The following FHIT variants were observed in gnomAD, a reference collection of about 807,000 sequenced individuals.
The protein encoded by FHIT is bis(5'-adenosyl)-triphosphatase.
A neutral mutation model predicts 17.9 loss-of-function variants in FHIT; 19 were observed. The observed-to-expected ratio is 1.06, with a 90% CI of 0.74 to 1.56. The LOEUF is 1.56. Among genes scored for constraint, FHIT ranks in the 40% most tolerant of loss-of-function variants. The pLI, the probability that FHIT is intolerant of heterozygous loss-of-function variation, is 0.00. For synonymous variants in FHIT, 81 were observed against 69.7 expected, an observed-to-expected ratio of 1.16 and a Z score of -0.81; for missense variants, 248 against 189.2, an observed-to-expected ratio of 1.31 and a Z score of -1.82.
At chr3:60,335,351 T>C (rs13074132) in intron 5 of FHIT, among the ~76,000 whole-genome samples, 47,318 of 152,022 alleles carry the variant, frequency 0.31, 7,999 homozygotes, top group South Asian at 0.48. Context: ...AACATCCCCA[T>C]ATTATTGTAC....
chr3:60,229,299 C>T (rs1445527299), intron 5 of FHIT, among the ~76,000 whole-genome samples: 5 of 151,966 alleles, frequency 3.3e-5, no homozygotes, highest in Non-Finnish European at 5.9e-5. Context: ...CATCTGCAAT[C>T]CCAGCTACTT....
chr3:60,796,903 T>C (rs1315614046), intron 4 of FHIT, among the ~76,000 whole-genome samples: 1 of 152,198 alleles, frequency 6.6e-6, no homozygotes, highest in Admixed American at 6.5e-5. Flanking sequence ...GATTTCTAAT[T>C]TATTGCATTG....
intron 8 of FHIT, among the ~76,000 whole-genome samples, chr3:59,757,671 A>AT (rs1701289189): frequency 6.6e-6 from 1 of 152,238 alleles, no homozygotes; most frequent in Non-Finnish European, 1.5e-5. Flanking sequence ...CTCTTCTTAC[A>AT]GAAGCAAACG....
At chr3:60,873,138 GGAGA>G (rs71287128) in intron 3 of FHIT, among the ~76,000 whole-genome samples, 3,577 of 147,086 alleles carry the variant, frequency 0.024, 122 homozygotes, top group African/African-American at 0.081. Flanking sequence ...AGAGGGAGAG[GGAGA>G]GAGAGAGAGA....
At chr3:60,631,671 C>T (rs2039447017) in intron 4 of FHIT, among the ~76,000 whole-genome samples, 2 of 152,248 alleles carry the variant, frequency 1.3e-5, no homozygotes, top group South Asian at 4.2e-4. Context: ...CAAAGAAATC[C>T]ATCAAATTGT....
At position 60,440,359 on chromosome 3, in the gene FHIT, T is replaced by C. The variant is rs551522756; in HGVS notation, c.103+96501A>G. 3.9e-5 allele frequency among the ~76,000 whole-genome samples: 6 copies of C among 152,240 alleles called. No homozygotes were observed. The South Asian group carries it at 6.2e-4, about 16-fold the overall frequency. ...ACCCGTCTCTATCTGGAAGATGGTA[T>C]ATAAATGAAATCATTTACACAGTGC... On this transcript the variant is annotated intron_variant, in intron 5 of 9. Transcript: ENST00000492590.
At chr3:59,785,405 G>A (rs1702798854) in intron 8 of FHIT, among the ~76,000 whole-genome samples, 1 of 151,596 alleles carries the variant, frequency 6.6e-6, no homozygotes, top group Admixed American at 6.6e-5. Context: ...TGCCTCCAGG[G>A]TTTAAGCAAT....
At chr3:60,937,010 G>GTCT (rs5849402) in intron 3 of FHIT, among the ~76,000 whole-genome samples, 140,452 of 151,988 alleles carry the variant, frequency 0.92, 65,901 homozygotes, top group East Asian at 1. Flanking sequence ...GTGAGCTGAA[G>GTCT]TCTCAATTTT....
intron 5 of FHIT, among the ~76,000 whole-genome samples, chr3:60,185,780 T>C (rs1208267845): frequency 6.6e-6 from 1 of 152,164 alleles, no homozygotes; most frequent in Non-Finnish European, 1.5e-5. Flanking sequence ...TCCCTATTAA[T>C]GGTATTGTCA....
chr3:60,364,657 T>G (rs1301950354), intron 5 of FHIT, among the ~76,000 whole-genome samples: 1 of 152,240 alleles, frequency 6.6e-6, no homozygotes, highest in Non-Finnish European at 1.5e-5. Context: ...TTGACTGAGC[T>G]AAGAGATGCC....
chr3:61,047,419 T>G (rs983522393), intron 2 of FHIT, among the ~76,000 whole-genome samples: 11 of 152,038 alleles, frequency 7.2e-5, no homozygotes, highest in Non-Finnish European at 1.6e-4. Context: ...GAATGCAACT[T>G]ACAAAAGATG....
chr3:60,832,354 C>A (rs2106821895), intron 3 of FHIT, among the ~76,000 whole-genome samples: 1 of 152,180 alleles, frequency 6.6e-6, no homozygotes, highest in Admixed American at 6.5e-5. Flanking sequence ...GGATTCTGAT[C>A]CAGACAGAAT....
chr3:60,430,955 C>A (rs1253890474), intron 5 of FHIT, among the ~76,000 whole-genome samples: 1 of 151,980 alleles, frequency 6.6e-6, no homozygotes, highest in Non-Finnish European at 1.5e-5. Flanking sequence ...CTCACACCTG[C>A]AACCCCAGCA....
chr3:60,607,833 C>G (rs1465645206), intron 4 of FHIT, among the ~76,000 whole-genome samples: 1 of 152,026 alleles, frequency 6.6e-6, no homozygotes, highest in African/African-American at 2.4e-5. Context: ...TATTCATATT[C>G]TTGAGAAGTA....
intron 5 of FHIT, among the ~76,000 whole-genome samples, chr3:60,188,207 CTTTTTTTTT>C (rs1210975877): frequency 8.0e-6 from 1 of 125,574 alleles, no homozygotes. Context: ...CAGTTTCTTT[CTTTTTTTTT>C]TTTTTTTTTT....
intron 3 of FHIT, among the ~76,000 whole-genome samples, chr3:60,935,902 C>G (rs571988427): frequency 2.0e-5 from 3 of 152,334 alleles, no homozygotes; most frequent in African/African-American, 7.2e-5. Context: ...TTCCTGAGGA[C>G]AGAGGCTGAT....
chr3:60,642,657 G>C (rs2039756110), intron 4 of FHIT, among the ~76,000 whole-genome samples: 1 of 152,206 alleles, frequency 6.6e-6, no homozygotes, highest in Non-Finnish European at 1.5e-5. Context: ...AAAGAGAAGA[G>C]TTCAGAGCAA....
rs567244835 is a variant in FHIT at position 60,194,785 on chromosome 3, G to C, written c.104-180633C>G. 5.9e-5 allele frequency among the ~76,000 whole-genome samples: 9 copies of C among 152,166 alleles called. No individual in the cohort carries two copies. In the South Asian group the frequency reaches 1.9e-3, roughly 32 times the overall value. On this transcript the variant is annotated intron_variant, in intron 5 of 9. Coordinates refer to ENST00000492590, the MANE Select transcript of FHIT (RefSeq NM_002012.4). Reference sequence around the variant, plus strand: ...AAAAAATGGGCAAAGGACATGAACAGACATTTCTCAAAAGAAGATATACAA... The same window carrying C: ...AAAAAATGGGCAAAGGACATGAACACACATTTCTCAAAAGAAGATATACAA...
At chr3:60,577,650 A>G (rs1355497953) in intron 4 of FHIT, among the ~76,000 whole-genome samples, 2 of 152,160 alleles carry the variant, frequency 1.3e-5, no homozygotes, top group East Asian at 3.9e-4. Context: ...CTGAGAAGAC[A>G]TCAGTGCTAA....
Sources: gnomAD v4.1 joint callset for allele counts (sites outside exome capture counted in the v4.1 genomes callset) on GRCh38, gnomAD v4.1.1 for gene constraint, MANE v1.5 for transcripts, NCBI Gene and HGNC (gene_info 2026-07-23, HGNC 2026-07-21) for gene names.